MAP4: variants seen among roughly 807,000 people sequenced by gnomAD.
MAP4 encodes microtubule associated protein 4.
Under a neutral mutation model 170.2 loss-of-function variants are expected in MAP4, and 76 were observed. The observed-to-expected ratio is 0.45, with a 90% CI of 0.37 to 0.54. MAP4 has a LOEUF of 0.54. MAP4 is among the 20% of genes least tolerant of loss of function. The pLI is 0.00. For missense variants in MAP4, 2,506 were observed against 2,748.0 expected (o/e 0.91, Z 1.97); for synonymous variants, 909 against 994.5 (o/e 0.91, Z 1.62).
intron 3 of MAP4, among the ~76,000 whole-genome samples, chr3:47,952,034 C>T (rs1364807883): frequency 6.6e-6 from 1 of 151,182 alleles, no homozygotes; most frequent in African/African-American, 2.4e-5. Flanking sequence ...CGCCTCTGCC[C>T]GGCCGCGACC....
At position 47,855,186 on chromosome 3, in the gene MAP4, G is replaced by T; in HGVS notation, c.6696+62C>A. The T allele has an allele frequency of 1.7e-6, 2 of 1,182,902 alleles. No individual in the cohort carries two copies. The highest frequency in any genetic ancestry group is 2.5e-6 in the Non-Finnish European group (2 of 790,260). 73.3% of individuals were successfully genotyped at this position (1,182,902 alleles called of 1,614,324 possible). Reference sequence around the variant, plus strand: ...ACAGGTGCCTACCTGTGAGGACCCTGACCCTAACTGCATAGTTCCCACCCC... The same window carrying T: ...ACAGGTGCCTACCTGTGAGGACCCTTACCCTAACTGCATAGTTCCCACCCC... On this transcript the variant is annotated intron_variant, in intron 19 of 20. Transcript: ENST00000683076. This position sits in a 1 kb window ranked among gnomAD's most constrained non-coding sequence, Gnocchi z 5.1.
intron 1 of MAP4, among the ~76,000 whole-genome samples, chr3:48,079,949 C>CAAA (rs535174502): frequency 9.0e-6 from 1 of 110,808 alleles, no homozygotes; most frequent in African/African-American, 3.0e-5. Context: ...GACTCCGTCT[C>CAAA]AAAAAAAAAA....
intron 1 of MAP4, chr3:48,039,611 T>C (rs1274193092): frequency 6.6e-6 from 1 of 152,234 alleles, no homozygotes; most frequent in East Asian, 1.9e-4. Flanking sequence ...TAAAAGAGAT[T>C]ATGAAGTTCT....
intron 2 of MAP4, among the ~76,000 whole-genome samples, chr3:47,997,828 T>A (rs1228410476): frequency 6.6e-6 from 1 of 152,126 alleles, no homozygotes; most frequent in Non-Finnish European, 1.5e-5. Context: ...CTGCAACATT[T>A]ATGCCAGGAA....
intron 4 of MAP4, among the ~76,000 whole-genome samples, chr3:47,922,999 G>A (rs112444399): frequency 0.012 from 1,866 of 152,026 alleles, 42 homozygotes; most frequent in African/African-American, 0.042. Context: ...GCAGTGAGCC[G>A]AGATGGCGCC....
At chr3:48,026,327 T>A (rs1344927086) in intron 1 of MAP4, among the ~76,000 whole-genome samples, 1 of 152,200 alleles carries the variant, frequency 6.6e-6, no homozygotes, top group East Asian at 1.9e-4. Context: ...TAAACGCTCA[T>A]ATTTATTACA....
Position 47,912,472 on chromosome 3 carries a change from AAAAC to A in MAP4, c.2000-55_2000-52del, listed in dbSNP as rs564799389. 2.0e-4 allele frequency: 287 copies of A among 1,419,198 alleles called. 1 individual carries two copies. In the East Asian group the frequency reaches 4.6e-3, roughly 23 times the overall value. 87.9% of individuals were successfully genotyped at this position (1,419,198 alleles called of 1,614,324 possible). On this transcript the variant is annotated intron_variant, in intron 8 of 20. Coordinates refer to ENST00000683076, the MANE Select transcript of MAP4 (RefSeq NM_001385682.1). ...CGTTATTGTTTCTTAAAAACAACAA[AAAAC>A]AAACAAACAAACAAAAAAACCAGAC...
intron 2 of MAP4, among the ~76,000 whole-genome samples, chr3:47,989,701 T>C (rs1301639073): frequency 6.6e-6 from 1 of 152,038 alleles, no homozygotes; most frequent in Non-Finnish European, 1.5e-5. Context: ...AACAATAAGG[T>C]TGACAAGTAG....
At chr3:48,082,619 T>C (rs1182561116) in intron 1 of MAP4, among the ~76,000 whole-genome samples, 1 of 151,910 alleles carries the variant, frequency 6.6e-6, no homozygotes, top group Non-Finnish European at 1.5e-5. Context: ...CTGGGCAACA[T>C]GGCAAAACCC....
At chr3:47,928,619 C>T (rs3732529) in intron 3 of MAP4, among the ~76,000 whole-genome samples, 55,650 of 151,786 alleles carry the variant, frequency 0.37, 11,098 homozygotes, top group African/African-American at 0.53. Context: ...CACCTGTGAA[C>T]AGCTACTGCA....
chr3:48,045,133 C>T (rs1176566643), intron 1 of MAP4, among the ~76,000 whole-genome samples: 1 of 150,548 alleles, frequency 6.6e-6, no homozygotes, highest in African/African-American at 2.5e-5. Flanking sequence ...TGGTGCATGC[C>T]TATAATCCCA....
intron 8 of MAP4, among the ~76,000 whole-genome samples, chr3:47,913,461 C>T (rs2100036978): frequency 6.6e-6 from 1 of 152,140 alleles, no homozygotes; most frequent in Admixed American, 6.5e-5. Context: ...TTTAATTCAG[C>T]AATTAATCAG....
At chr3:48,042,263 C>T (rs1025323512) in intron 1 of MAP4, among the ~76,000 whole-genome samples, 6 of 152,260 alleles carry the variant, frequency 3.9e-5, no homozygotes, top group Middle Eastern at 6.8e-3. Context: ...TTGATTATGT[C>T]AGAATTGAGT....
intron 1 of MAP4, among the ~76,000 whole-genome samples, chr3:48,005,508 A>C (rs2100101799): frequency 6.6e-6 from 1 of 152,150 alleles, no homozygotes; most frequent in Non-Finnish European, 1.5e-5. Flanking sequence ...CTAAGTAGGG[A>C]CTCTGCATTT....
chr3:47,915,359 G>A (rs372699771), intron 7 of MAP4, among the ~76,000 whole-genome samples: 2 of 151,882 alleles, frequency 1.3e-5, no homozygotes, highest in African/African-American at 4.8e-5. Context: ...CAGGTGATCC[G>A]CCCACCTCGG....
chr3:47,925,197 A>T (rs2100045122), intron 4 of MAP4, among the ~76,000 whole-genome samples: 1 of 152,208 alleles, frequency 6.6e-6, no homozygotes, highest in Admixed American at 6.5e-5. Context: ...GACCAAACCT[A>T]GTACCACATG....
intron 8 of MAP4, among the ~76,000 whole-genome samples, chr3:47,914,262 A>G (rs1284076634): frequency 2.0e-5 from 3 of 152,186 alleles, no homozygotes; most frequent in Non-Finnish European, 4.4e-5. Context: ...CTTCACTATG[A>G]AAACAGTGGA....
In MAP4 at chr3:47,988,844, T is replaced by C. The variant is rs961870515; in HGVS notation, c.223+9794A>G. 5.3e-5 allele frequency among the ~76,000 whole-genome samples: 8 copies of C among 152,014 alleles called. No homozygotes were observed. In the East Asian group the frequency reaches 1.5e-3, roughly 29 times the overall value. ...TTTATTTATTTTTTGAGACGGAGTC[T>C]CGCTGTCGCCCAGGCTTGAATGCAG... On this transcript the variant is annotated intron_variant, in intron 2 of 20. Coordinates refer to ENST00000683076, the MANE Select transcript of MAP4 (RefSeq NM_001385682.1).
chr3:48,014,458 A>T (rs913871706), intron 1 of MAP4, among the ~76,000 whole-genome samples: 1 of 152,260 alleles, frequency 6.6e-6, no homozygotes, highest in South Asian at 2.1e-4. Flanking sequence ...AAAAGCTAGA[A>T]CAGAGCTTGG....
Sources: allele counts gnomAD v4.1 joint callset (sites outside exome capture counted in the v4.1 genomes callset), GRCh38; gene constraint gnomAD v4.1.1; non-coding constraint Gnocchi (gnomAD v3.1); transcripts MANE v1.5; gene names NCBI Gene and HGNC (gene_info 2026-07-23, HGNC 2026-07-21).